Variants in ITGB5 observed in about 807,000 individuals in gnomAD.
ITGB5 encodes integrin subunit beta 5.
A neutral mutation model predicts 84.8 loss-of-function variants in ITGB5; 38 were observed. The ratio of observed to expected loss-of-function variants is 0.45; its 90% confidence interval spans 0.35 to 0.59. ITGB5 has a LOEUF of 0.59. Among genes scored for constraint, ITGB5 ranks in the 20% least tolerant of loss-of-function variants. ITGB5 has a pLI of 0.01. For missense variants in ITGB5, 905 were observed against 1,034.5 expected (o/e 0.87, Z 1.72); for synonymous variants, 393 against 414.4 (o/e 0.95, Z 0.63).
chr3:124,874,816 A>G (rs922536348), intron 1 of ITGB5, among the ~76,000 whole-genome samples: 2 of 152,212 alleles, frequency 1.3e-5, no homozygotes, highest in Admixed American at 6.5e-5. Flanking sequence ...AGAAGAATGA[A>G]ACTGAACTCT....
chr3:124,890,119 A>G (rs1349851845), upstream of ITGB5, among the ~76,000 whole-genome samples: 2 of 151,240 alleles, frequency 1.3e-5, no homozygotes, highest in African/African-American at 4.9e-5. Context: ...TGTAGGATGG[A>G]TTAGATGGAC....
At chr3:124,818,516 TTTTTTTTTTTTTTTTG>T (rs1306703408) in intron 7 of ITGB5, among the ~76,000 whole-genome samples, 1 of 104,380 alleles carries the variant, frequency 9.6e-6, no homozygotes. Flanking sequence ...TTTTTTTTTT[TTTTTTTTTTTTTTTTG>T]CGACAGAATC....
rs116539191 is a variant in ITGB5, at chr3:124,780,043, C to T, written c.1694-6131G>A. On this transcript the variant is annotated intron_variant, in intron 10 of 14. Transcript: ENST00000296181. Reference sequence around the variant, plus strand: ...ACCACAGAGGCCCCCTTCTGCCCTGCGTGGGGAGCTCCCTGAGGCATGCCA... The same window carrying T: ...ACCACAGAGGCCCCCTTCTGCCCTGTGTGGGGAGCTCCCTGAGGCATGCCA... 4.3e-3 allele frequency among the ~76,000 whole-genome samples: 658 copies of T among 152,290 alleles called. 8 individuals carry two copies. The highest frequency in any genetic ancestry group is 0.015 in the African/African-American group (610 of 41,560).
intron 9 of ITGB5, among the ~76,000 whole-genome samples, chr3:124,798,921 C>CG (rs980704911): frequency 3.9e-5 from 6 of 152,160 alleles, no homozygotes; most frequent in Non-Finnish European, 5.9e-5. Flanking sequence ...GAAAGTCCTG[C>CG]GTGGCAGCAA....
At chr3:124,870,555 C>T (rs1055045271) in intron 2 of ITGB5, among the ~76,000 whole-genome samples, 4 of 152,030 alleles carry the variant, frequency 2.6e-5, no homozygotes, top group African/African-American at 7.2e-5. Flanking sequence ...GGTGAAACCC[C>T]GTCTCTACTA....
chr3:124,890,448 G>A (rs573139139), upstream of ITGB5, among the ~76,000 whole-genome samples: 6 of 151,828 alleles, frequency 4.0e-5, no homozygotes, highest in South Asian at 2.1e-4. Context: ...CTCATGATCC[G>A]CCCGCCTCGG....
intron 1 of ITGB5, among the ~76,000 whole-genome samples, chr3:124,895,992 G>A (rs1390612813): frequency 6.6e-6 from 1 of 152,216 alleles, no homozygotes; most frequent in Non-Finnish European, 1.5e-5. Context: ...AAAGCCAAAT[G>A]TGTTCCGCAC....
intron 5 of ITGB5, among the ~76,000 whole-genome samples, chr3:124,835,192 TG>T (rs2064917193): frequency 1.3e-5 from 2 of 149,458 alleles, no homozygotes; most frequent in Non-Finnish European, 3.0e-5. Flanking sequence ...TACTGAGTTA[TG>T]ACTCAGCCAG....
At chr3:124,828,677 A>G (rs1051767023) in intron 5 of ITGB5, among the ~76,000 whole-genome samples, 2 of 152,252 alleles carry the variant, frequency 1.3e-5, no homozygotes, top group Non-Finnish European at 2.9e-5. Flanking sequence ...TTGTACATCA[A>G]TTATACTTCG....
At chr3:124,808,920 T>C (rs2064452807) in intron 9 of ITGB5, 102 bp downstream of exon 9, 4 of 1,291,922 alleles carry the variant, frequency 3.1e-6, no homozygotes, top group South Asian at 1.4e-5. Flanking sequence ...AAACAGAATA[T>C]AAATTCCGAA....
intron 1 of ITGB5, among the ~76,000 whole-genome samples, chr3:124,899,672 A>G (rs1935180081): frequency 6.6e-6 from 1 of 151,912 alleles, no homozygotes. Flanking sequence ...TGGGCAGCAT[A>G]GTGAGACTTC....
chr3:124,886,887 T>C, intron 1 of ITGB5, 44 bp downstream of exon 1: 4 of 1,170,926 alleles, frequency 3.4e-6, no homozygotes, highest in Non-Finnish European at 4.3e-6. Context: ...CGCGGCTGAG[T>C]GTGCGACAAA....
intron 2 of ITGB5, among the ~76,000 whole-genome samples, chr3:124,871,441 G>A (rs753359775): frequency 6.6e-5 from 10 of 152,202 alleles, no homozygotes; most frequent in East Asian, 5.8e-4. Context: ...TGATCCACCC[G>A]TCTCAGCCTC....
intron 11 of ITGB5, among the ~76,000 whole-genome samples, 187 bp downstream of exon 11, chr3:124,773,503 T>C (rs1271460732): frequency 1.3e-5 from 2 of 152,234 alleles, no homozygotes; most frequent in African/African-American, 4.8e-5. Context: ...AAAACCCTTA[T>C]GGAACCAGCA....
chr3:124,863,713 T>A (rs10934694), intron 2 of ITGB5, among the ~76,000 whole-genome samples: 23,907 of 152,168 alleles, frequency 0.16, 1,969 homozygotes, highest in South Asian at 0.21. Flanking sequence ...GAGACAGTGT[T>A]TTGCCATGTT....
Position 124,770,674 on chromosome 3 carries a change from C to T in ITGB5, c.1917-1561G>A, listed in dbSNP as rs2063828970. Among the ~76,000 whole-genome samples, 3 of 152,274 alleles carry T rather than the reference C, an allele frequency of 2.0e-5. No individual in the cohort carries two copies. The East Asian group carries it at 5.8e-4, about 29-fold the overall frequency. On this transcript the variant is annotated intron_variant, in intron 11 of 14. Coordinates refer to ENST00000296181, the MANE Select transcript of ITGB5 (RefSeq NM_002213.5). ...GTGCCCCACCTCTCAGACTAGGCTT[C>T]CTAAGAGGTTCTAACATGCTTAGGA...
chr3:124,789,216 A>C (rs538322109), intron 10 of ITGB5, among the ~76,000 whole-genome samples: 1 of 152,390 alleles, frequency 6.6e-6, no homozygotes, highest in South Asian at 2.1e-4. Context: ...TAAAGAAAAC[A>C]ATATAAATAT....
intron 3 of ITGB5, among the ~76,000 whole-genome samples, chr3:124,851,463 A>T (rs1425672488): frequency 6.6e-6 from 1 of 152,222 alleles, no homozygotes; most frequent in African/African-American, 2.4e-5. Context: ...CCTTGGGCAT[A>T]CAAATTTAAC....
chr3:124,870,744 A>ACCCCTGCCCCTT (rs1559979912), intron 2 of ITGB5, among the ~76,000 whole-genome samples: 1 of 110,796 alleles, frequency 9.0e-6, no homozygotes, highest in African/African-American at 3.0e-5. Flanking sequence ...AAAAAAAAAA[A>ACCCCTGCCCCTT]AAACCCCAGT....
Sources: allele counts gnomAD v4.1 joint callset (sites outside exome capture counted in the v4.1 genomes callset), GRCh38; gene constraint gnomAD v4.1.1; transcripts MANE v1.5; gene names NCBI Gene and HGNC (gene_info 2026-07-23, HGNC 2026-07-21).